CFAP58: variants seen among roughly 807,000 people sequenced by gnomAD.
The protein encoded by CFAP58 is cilia and flagella associated protein 58, also known as cilia- and flagella-associated protein 58.
A neutral mutation model predicts 119.5 loss-of-function variants in CFAP58; 88 were observed. That is an observed-to-expected ratio of 0.74 (90% confidence interval 0.62 to 0.88). The LOEUF (loss-of-function observed/expected upper bound fraction) is 0.88, where lower values mean the gene tolerates loss of function less well. CFAP58 is among the 40% of genes least tolerant of loss of function. The pLI is 0.00. For synonymous variants in CFAP58, 365 were observed against 366.3 expected (o/e 1.00, Z 0.04); for missense variants, 990 against 1,021.2 (o/e 0.97, Z 0.42).
chr10:104,357,964 TG>T lies in CFAP58; in HGVS notation c.10-376del, dbSNP rs1564876179. Among the ~76,000 whole-genome samples, 89 of 105,808 alleles carry T rather than the reference TG, an allele frequency of 8.4e-4. 5 individuals carry two copies. Among genetic ancestry groups the T allele is most frequent in the African/African-American group, 5.9e-3 (87 of 14,800 alleles). The allele number at this position is 105,808 out of a possible 152,430, so 69.4% of individuals were successfully genotyped here. A position where few individuals can be genotyped will look rare whatever the true frequency, so the allele number is the denominator to read the frequency against. On this transcript the variant is annotated intron_variant, in intron 1 of 17. Transcript: ENST00000369704. ...ATATGTACACATATATACACATATA[TG>T]TACACATATGTACATATGTACACAT... is the stretch of plus-strand genomic sequence containing the variant.
chr10:104,380,432 C>T (rs190672097), intron 9 of CFAP58, among the ~76,000 whole-genome samples: 68 of 152,172 alleles, frequency 4.5e-4, no homozygotes, highest in Admixed American at 9.8e-4. Flanking sequence ...GCTTGGTGCT[C>T]TCTCATTTCT....
chr10:104,399,338 T>C (rs1180299641), intron 11 of CFAP58, 22 bp from the exon 12 acceptor site: 3 of 1,611,694 alleles, frequency 1.9e-6, no homozygotes, highest in Non-Finnish European at 2.5e-6. Flanking sequence ...GAAATTTGCC[T>C]GTATCTTCCA....
chr10:104,376,708 C>A, intron 7 of CFAP58, 103 bp from the exon 8 acceptor site: 1 of 807,252 alleles, frequency 1.2e-6, no homozygotes, highest in Non-Finnish European at 2.0e-6. Context: ...AGTTTTATAG[C>A]TAGAGACAAA....
At chr10:104,417,733 C>T (rs1047786233) in intron 15 of CFAP58, among the ~76,000 whole-genome samples, 2 of 152,162 alleles carry the variant, frequency 1.3e-5, no homozygotes, top group Admixed American at 6.5e-5. Context: ...CTCTGCGCTG[C>T]CCTGTGCTGA....
chr10:104,357,926 CATATACACACAT>C lies in CFAP58; in HGVS notation c.10-410_10-399del, dbSNP rs1281138966. 1.3e-3 allele frequency among the ~76,000 whole-genome samples: 127 copies of C among 100,772 alleles called. 9 individuals carry two copies. Among genetic ancestry groups the C allele is most frequent in the Non-Finnish European group, 1.9e-3 (97 of 50,560 alleles). 66.1% of individuals were successfully genotyped at this position (100,772 alleles called of 152,430 possible). A position where few individuals can be genotyped will look rare whatever the true frequency, so the allele number is the denominator to read the frequency against. On this transcript the variant is annotated intron_variant, in intron 1 of 17. Transcript: ENST00000369704. Reference sequence around the variant, plus strand: ...ACACATATACACACATATATGTACACATATACACACATATATGTACACATATATACACATATA... The same window carrying C: ...ACACATATACACACATATATGTACACATATGTACACATATATACACATATA...
intron 8 of CFAP58, among the ~76,000 whole-genome samples, chr10:104,378,553 G>A (rs532345102): frequency 6.6e-6 from 1 of 152,320 alleles, no homozygotes; most frequent in Non-Finnish European, 1.5e-5. Flanking sequence ...AACTGGCCTG[G>A]CATTCTTGGG....
At chr10:104,352,500 G>A (rs2014471628), upstream of CFAP58, among the ~76,000 whole-genome samples, 1 of 151,816 alleles carries the variant, frequency 6.6e-6, no homozygotes, top group Non-Finnish European at 1.5e-5. Context: ...TCTCCAGTAG[G>A]GCACATGGCA....
chr10:104,374,142 A>T (rs549377286), intron 7 of CFAP58, among the ~76,000 whole-genome samples: 1 of 152,260 alleles, frequency 6.6e-6, no homozygotes, highest in Non-Finnish European at 1.5e-5. Context: ...GCTCTTTGTT[A>T]CATGTAAAGG....
rs376272261 is a variant in CFAP58, at chr10:104,353,888, G to T, written c.-10G>T. ...AGCAGCCTCTGAGGCCGCCCCCAGA[G>T]AGCATCAGGATGGCTGAGGTCAGGA... On this transcript the variant is annotated 5_prime_UTR_variant, in exon 1 of 18. Transcript: ENST00000369704. The T allele has an allele frequency of 1.9e-6, 3 of 1,613,030 alleles. No homozygotes were observed. The highest frequency in any genetic ancestry group is 1.1e-5 in the South Asian group (1 of 91,058).
intron 15 of CFAP58, among the ~76,000 whole-genome samples, chr10:104,437,717 AAT>A (rs1374791459): frequency 2.6e-5 from 4 of 152,230 alleles, no homozygotes; most frequent in African/African-American, 9.6e-5. Flanking sequence ...GAATGTTTTA[AAT>A]ATCAAAGGAT....
intron 15 of CFAP58, among the ~76,000 whole-genome samples, chr10:104,447,210 G>A (rs182851932): frequency 6.6e-6 from 1 of 151,074 alleles, no homozygotes. Flanking sequence ...TAGAACCGGG[G>A]TCTCACTATG....
intron 15 of CFAP58, among the ~76,000 whole-genome samples, chr10:104,419,866 G>T (rs147256616): frequency 6.6e-6 from 1 of 152,130 alleles, no homozygotes; most frequent in East Asian, 1.9e-4. Flanking sequence ...TAAAAATTTA[G>T]CATAAGAAGA....
chr10:104,366,649 A>T (rs11192024), intron 5 of CFAP58, among the ~76,000 whole-genome samples: 14,116 of 152,118 alleles, frequency 0.093, 1,286 homozygotes, highest in African/African-American at 0.24. Context: ...TAAATTAAAA[A>T]TTCATTTCCT....
chr10:104,365,686 AG>A, intron 4 of CFAP58, 127 bp from the exon 5 acceptor site: 1 of 706,398 alleles, frequency 1.4e-6, no homozygotes, highest in Non-Finnish European at 2.3e-6. Flanking sequence ...TCTGCCCTAT[AG>A]GGGAAATGCT....
intron 15 of CFAP58, among the ~76,000 whole-genome samples, chr10:104,438,795 C>A (rs887633627): frequency 1.3e-5 from 2 of 152,144 alleles, no homozygotes; most frequent in African/African-American, 4.8e-5. Flanking sequence ...CCTAGAAAGA[C>A]TTGGACTTGT....
intron 14 of CFAP58, among the ~76,000 whole-genome samples, chr10:104,406,484 A>C (rs1405484554): frequency 6.6e-6 from 1 of 152,230 alleles, no homozygotes; most frequent in Non-Finnish European, 1.5e-5. Flanking sequence ...TAGAAAAAAC[A>C]CTAGGAAAAC....
intron 1 of CFAP58, among the ~76,000 whole-genome samples, chr10:104,357,983 G>GTACACATATA (rs2014606058): frequency 7.8e-6 from 1 of 128,258 alleles, no homozygotes; most frequent in Non-Finnish European, 1.7e-5. Flanking sequence ...ATGTACATAT[G>GTACACATATA]TACACATATA....
At chr10:104,415,305 G>A (rs1049290901) in intron 15 of CFAP58, among the ~76,000 whole-genome samples, 1 of 152,116 alleles carries the variant, frequency 6.6e-6, no homozygotes, top group African/African-American at 2.4e-5. Flanking sequence ...TGGGTGGAGG[G>A]GGAGGGAGCG....
chr10:104,381,815 G>T (rs1213052589), intron 9 of CFAP58, among the ~76,000 whole-genome samples: 1 of 152,186 alleles, frequency 6.6e-6, no homozygotes, highest in Non-Finnish European at 1.5e-5. Flanking sequence ...GTCTAACTCT[G>T]CAGGACAGTG....
Sources: allele counts gnomAD v4.1 joint callset (sites outside exome capture counted in the v4.1 genomes callset), GRCh38; gene constraint gnomAD v4.1.1; transcripts MANE v1.5; gene names NCBI Gene and HGNC (gene_info 2026-07-23, HGNC 2026-07-21).